Variants in CD46 observed in about 807,000 individuals in gnomAD.
CD46 encodes the protein CD46 molecule.
CD46 carries 30 observed loss-of-function variants against 53.3 expected under a neutral mutation model. The ratio of observed to expected loss-of-function variants is 0.56; its 90% confidence interval spans 0.42 to 0.76. CD46 has a LOEUF of 0.76. CD46 is among the 30% of genes least tolerant of loss of function. The probability of loss-of-function intolerance (pLI) is 0.00; values close to 1 mark genes in which losing one functional copy is unlikely to be tolerated. For synonymous variants in CD46, 142 were observed against 152.0 expected (o/e 0.93, Z 0.48); for missense variants, 409 against 463.0 (o/e 0.88, Z 1.07).
chr1:207,772,687 T>G (rs984724188), intron 8 of CD46, among the ~76,000 whole-genome samples: 1 of 152,230 alleles, frequency 6.6e-6, no homozygotes, highest in Non-Finnish European at 1.5e-5. Flanking sequence ...GTTCTGTTTT[T>G]GTGATGGATT....
intron 11 of CD46, among the ~76,000 whole-genome samples, chr1:207,788,360 C>CAAA (rs1205954774): frequency 2.5e-5 from 2 of 80,118 alleles, no homozygotes; most frequent in African/African-American, 8.0e-5. Context: ...ACTAAAAATA[C>CAAA]AAAAAAAAAA....
At chr1:207,785,021 C>G in intron 9 of CD46, 50 bp from the exon 10 acceptor site, 2 of 1,482,346 alleles carry the variant, frequency 1.3e-6, no homozygotes, top group East Asian at 2.3e-5. Flanking sequence ...GAAATAAATG[C>G]TATCTGGAGA....
intron 8 of CD46, among the ~76,000 whole-genome samples, chr1:207,780,858 C>T (rs575218965): frequency 6.6e-6 from 1 of 151,904 alleles, no homozygotes; most frequent in East Asian, 1.9e-4. Context: ...AGTCTAATAT[C>T]AAGGCATGGG....
chr1:207,781,709 G>A (rs1247594246), intron 8 of CD46, among the ~76,000 whole-genome samples: 1 of 152,198 alleles, frequency 6.6e-6, no homozygotes, highest in East Asian at 1.9e-4. Flanking sequence ...TCCTTGTCAC[G>A]CTTGTTGAAA....
intron 2 of CD46, 51 bp downstream of exon 2, chr1:207,757,253 A>G: frequency 6.8e-7 from 1 of 1,469,478 alleles, no homozygotes; most frequent in Non-Finnish European, 9.5e-7. Flanking sequence ...AGATTTGCAT[A>G]CATTTTGGGG....
chr1:207,793,147 A>G lies in CD46; in HGVS notation c.*42-372A>G, dbSNP rs538134281. Among the ~76,000 whole-genome samples the G allele has an allele frequency of 9.3e-4, 141 of 152,334 alleles. 1 individual carries two copies. The highest frequency in any genetic ancestry group is 2.0e-3 in the African/African-American group (83 of 41,584). ...ACATACTTGAACAGTTAGAACCACT[A>G]TCTTTTTAAAGGTTCTGTGCCAGAG... is the stretch of plus-strand genomic sequence containing the variant. On this transcript the variant is annotated intron_variant, in intron 12 of 12. Transcript: ENST00000367042.
At position 207,792,688 on chromosome 1, in the gene CD46, G is replaced by A. The variant is rs546168182; in HGVS notation, c.*42-831G>A. Among the ~76,000 whole-genome samples the A allele has an allele frequency of 5.3e-5, 8 of 152,248 alleles. No individual in the cohort carries two copies. In the South Asian group the frequency reaches 1.2e-3, roughly 24 times the overall value. ...AATGACTGGTCCGAATTTGGTTTTC[G>A]TTTGTCTATTAAAGTCAATTTACTA... On this transcript the variant is annotated intron_variant, in intron 12 of 12. Transcript: ENST00000367042.
Position 207,785,085 on chromosome 1 carries a change from G to A in CD46, c.997G>A (p.Ala333Thr). 6.2e-7 allele frequency: 1 copy of A among 1,613,086 alleles called. No individual in the cohort carries two copies. The highest frequency in any genetic ancestry group is 8.5e-7 in the Non-Finnish European group (1 of 1,179,176). The part of the protein sequence containing the change: ...ILDSLDVWVI[A>T]VIVIAIVVGV... ...TTCTTTCTCAGATGTTTGGGTCATT[G>A]CTGTGATTGTTATTGCCATAGGTAA... The change falls in exon 10 of 13, where the codon GCT (alanine) becomes ACT (threonine). Residue 333 changes from alanine (A) to threonine (T), a missense_variant. By Grantham distance (58) the Ala-to-Thr change is moderately conservative. Coordinates refer to ENST00000367042, the MANE Select transcript of CD46 (RefSeq NM_172351.3).
chr1:207,782,611 C>T (rs1281412601), intron 8 of CD46, among the ~76,000 whole-genome samples: 2 of 142,790 alleles, frequency 1.4e-5, no homozygotes, highest in African/African-American at 5.2e-5. Flanking sequence ...TTCAGGTCAA[C>T]TCTAAAGCAT....
intron 1 of CD46, among the ~76,000 whole-genome samples, chr1:207,756,807 C>G (rs1280313806): frequency 6.6e-6 from 1 of 152,168 alleles, no homozygotes; most frequent in African/African-American, 2.4e-5. Flanking sequence ...CCAAACAAAC[C>G]AAAAGCTAAT....
intron 9 of CD46, among the ~76,000 whole-genome samples, chr1:207,784,799 G>A (rs531938715): frequency 3.9e-5 from 6 of 152,166 alleles, no homozygotes; most frequent in Non-Finnish European, 5.9e-5. Context: ...AGAAGTATGA[G>A]AACCAAGTGA....
intron 8 of CD46, among the ~76,000 whole-genome samples, chr1:207,779,357 C>T (rs968551703): frequency 6.6e-6 from 1 of 152,068 alleles, no homozygotes; most frequent in Non-Finnish European, 1.5e-5. Context: ...GGTGTTTTCT[C>T]TTTTCTTAAA....
chr1:207,767,107 C>T lies in CD46; in HGVS notation c.768C>T (p.Cys256=), dbSNP rs751844358. 6.8e-6 allele frequency: 11 copies of T among 1,613,496 alleles called. No individual in the cohort carries two copies. Among genetic ancestry groups the T allele is most frequent in the South Asian group, 6.6e-5 (6 of 91,072 alleles). The part of the protein sequence containing the change: ...FYYKATVMFE[C]DKGFYLDGSD... ...ACAAAGCAACAGTTATGTTTGAATG[C>T]GATAAGGGTTTTTACCTCGATGGCA... Residue 256 remains cysteine, a synonymous_variant, in exon 6 of 13, where the codon TGC becomes TGT. Transcript: ENST00000367042.
At chr1:207,774,559 C>G (rs530570868) in intron 8 of CD46, among the ~76,000 whole-genome samples, 51 of 152,260 alleles carry the variant, frequency 3.3e-4, no homozygotes, top group African/African-American at 1.2e-3. Flanking sequence ...CCTTCAGGAG[C>G]TCTTGTAAGG....
At chr1:207,789,870 G>GAAAAAAAAAAAAAAAAAAAAAAAAAAA (rs150136290) in intron 11 of CD46, among the ~76,000 whole-genome samples, 1 of 43,348 alleles carries the variant, frequency 2.3e-5, no homozygotes, top group African/African-American at 9.2e-5. Context: ...GCTGTGTCTT[G>GAAAAAAAAAAAAAAAAAAAAAAAAAAA]AAAAAAAAAA....
chr1:207,793,734 T>C lies in CD46; in HGVS notation c.*257T>C. On this transcript the variant is annotated 3_prime_UTR_variant, in exon 13 of 13. Transcript: ENST00000367042. ...GTGGCTTGAATGTAGGTAGCATCCT[T>C]TGATGCTTCTTTGAAACTTGTATGA... 1 of 732,842 alleles carries C rather than the reference T, an allele frequency of 1.4e-6. No homozygotes were observed. The highest frequency in any genetic ancestry group is 1.5e-5 in the South Asian group (1 of 66,874). 45.4% of individuals were successfully genotyped at this position (732,842 alleles called of 1,614,324 possible). A position where few individuals can be genotyped will look rare whatever the true frequency, so the allele number is the denominator to read the frequency against.
At chr1:207,789,615 G>A (rs987000866) in intron 11 of CD46, among the ~76,000 whole-genome samples, 1 of 152,076 alleles carries the variant, frequency 6.6e-6, no homozygotes, top group African/African-American at 2.4e-5. Context: ...GAAAACAGAT[G>A]TGCCACAGGA....
Position 207,752,371 on chromosome 1 carries a change from A to G in CD46, c.97+62A>G. 1.3e-6 allele frequency: 2 copies of G among 1,498,950 alleles called. No individual in the cohort carries two copies. Among genetic ancestry groups the G allele is most frequent in the Non-Finnish European group, 9.3e-7 (1 of 1,077,252 alleles). The allele number at this position is 1,498,950 out of a possible 1,614,324, so 92.9% of individuals were successfully genotyped here. On this transcript the variant is annotated intron_variant, in intron 1 of 12. Transcript: ENST00000367042. This position sits in a 1 kb window ranked among gnomAD's most constrained non-coding sequence, Gnocchi z 4.1. The stretch of plus-strand genomic sequence containing the variant: ...GACTAGAGCTCTCCTCAGTCGGGCA[A>G]GAGTCGCGGGGCGGGGCTCACAGCA...
In CD46 at chr1:207,793,790, C is replaced by A; in HGVS notation, c.*313C>A. The stretch of plus-strand genomic sequence containing the variant: ...GGTATGAACAGATTGCCTGCTTTCC[C>A]TTAAATAACACTTAGATTTATTGGA... On this transcript the variant is annotated 3_prime_UTR_variant, in exon 13 of 13. Coordinates refer to ENST00000367042, the MANE Select transcript of CD46 (RefSeq NM_172351.3). 1 of 638,482 alleles carries A rather than the reference C, an allele frequency of 1.6e-6. No individual in the cohort carries two copies. The highest frequency in any genetic ancestry group is 2.9e-6 in the Non-Finnish European group (1 of 346,414). The allele number at this position is 638,482 out of a possible 1,614,324, so 39.6% of individuals were successfully genotyped here. A position where few individuals can be genotyped will look rare whatever the true frequency, so the allele number is the denominator to read the frequency against.
Sources: gnomAD v4.1 joint callset for allele counts (sites outside exome capture counted in the v4.1 genomes callset) on GRCh38, gnomAD v4.1.1 for gene constraint, Gnocchi (gnomAD v3.1) non-coding constraint, MANE v1.5 for transcripts, NCBI Gene and HGNC (gene_info 2026-07-23, HGNC 2026-07-21) for gene names.